MARCHF1: variants seen among roughly 807,000 people sequenced by gnomAD.
MARCHF1 encodes the protein membrane associated ring-CH-type finger 1.
MARCHF1 carries 40 observed loss-of-function variants against 54.2 expected under a neutral mutation model. The observed-to-expected ratio is 0.74, with a 90% confidence interval of 0.57 to 0.96. MARCHF1 has a LOEUF of 0.96. Ranked by LOEUF, MARCHF1 falls within the 40% of genes least tolerant of loss-of-function variation. The pLI is 0.00. For missense variants in MARCHF1, 586 were observed against 656.5 expected (o/e 0.89, Z 1.17); for synonymous variants, 236 against 236.3 (o/e 1.00, Z 0.01).
rs112673120 is a variant in MARCHF1 at position 164,217,061 on chromosome 4, A to C, written c.-322-105399T>G. 6.5e-3 allele frequency among the ~76,000 whole-genome samples: 983 copies of C among 152,314 alleles called. 6 individuals carry two copies. Among genetic ancestry groups the C allele is most frequent in the African/African-American group, 0.022 (928 of 41,576 alleles). On this transcript the variant is annotated intron_variant, in intron 1 of 9. Transcript: ENST00000514618. The stretch of plus-strand genomic sequence containing the variant: ...GGAAAAAAAATTTAAAAACCTATAG[A>C]GCAATCACCTTTCACTCTTATTTAC...
rs192109189 is a variant in MARCHF1, at chr4:164,321,200, C to T, written c.-323+62670G>A. On this transcript the variant is annotated intron_variant, in intron 1 of 9. Coordinates refer to ENST00000514618, the MANE Select transcript of MARCHF1 (RefSeq NM_001394959.1). ...GATAGAAAACCTCTGTAGAAGACAGCTGATGATTTAAATAAAAATATACTG... is the reference window on the plus strand; with the variant it reads ...GATAGAAAACCTCTGTAGAAGACAGTTGATGATTTAAATAAAAATATACTG... Among the ~76,000 whole-genome samples, 507 of 152,222 alleles carry T rather than the reference C, an allele frequency of 3.3e-3. 1 individual carries two copies. The highest frequency in any genetic ancestry group is 6.0e-3 in the Non-Finnish European group (405 of 68,010).
chr4:164,201,809 T>C (rs1165579665), intron 1 of MARCHF1, among the ~76,000 whole-genome samples: 1 of 152,228 alleles, frequency 6.6e-6, no homozygotes, highest in Non-Finnish European at 1.5e-5. Context: ...AAAGGCTAGC[T>C]TGAATTTAAT....
At chr4:164,206,372 G>A (rs1731606997) in intron 1 of MARCHF1, among the ~76,000 whole-genome samples, 1 of 152,166 alleles carries the variant, frequency 6.6e-6, no homozygotes, top group African/African-American at 2.4e-5. Context: ...AGGAGGTGGA[G>A]GTTGCAGTGA....
chr4:163,746,691 T>G (rs1746371563), intron 4 of MARCHF1, among the ~76,000 whole-genome samples: 1 of 152,184 alleles, frequency 6.6e-6, no homozygotes, highest in South Asian at 2.1e-4. Context: ...TTCTTTTTCA[T>G]GATTTTTTTG....
chr4:164,014,191 A>AC (rs1753488329), intron 2 of MARCHF1, among the ~76,000 whole-genome samples: 1 of 50,264 alleles, frequency 2.0e-5, no homozygotes, highest in African/African-American at 1.0e-4. Context: ...ACTGCATCTC[A>AC]AAAAAAAAAA....
rs777041087 is a variant in MARCHF1 at position 163,528,875 on chromosome 4, A to G, written c.1511T>C (p.Leu504Pro). The G allele has an allele frequency of 5.0e-6, 8 of 1,613,384 alleles. No homozygotes were observed. The highest frequency in any genetic ancestry group is 6.8e-6 in the Non-Finnish European group (8 of 1,179,580). Reference sequence around the variant, plus strand: ...TACATTACATGAGAAGTTCTTCTCCAGTTTTTTGGCAGTGTCTGGGCAATT... The same window carrying G: ...TACATTACATGAGAAGTTCTTCTCCGGTTTTTTGGCAGTGTCTGGGCAATT... ...VQNCPDTAKK[L>P]EKNFSCNVNT... The change falls in exon 10 of 10, where the codon CTG becomes CCG. Residue 504 changes from leucine (L) to proline (P), a missense_variant. Transcript: ENST00000514618.
intron 5 of MARCHF1, among the ~76,000 whole-genome samples, chr4:163,678,296 G>A (rs1195145532): frequency 6.6e-6 from 1 of 152,182 alleles, no homozygotes; most frequent in Non-Finnish European, 1.5e-5. Flanking sequence ...GCCCAGGAAA[G>A]TGGATGGTAT....
At chr4:164,144,032 T>C (rs1224468500) in intron 1 of MARCHF1, among the ~76,000 whole-genome samples, 1 of 152,116 alleles carries the variant, frequency 6.6e-6, no homozygotes, top group Non-Finnish European at 1.5e-5. Context: ...TAGTCTCTGA[T>C]AAAACAGGCT....
rs1425226402 is a variant in MARCHF1, at chr4:163,899,205, A to G, written c.-38-45036T>C. Among the ~76,000 whole-genome samples, 5 of 152,204 alleles carry G rather than the reference A, an allele frequency of 3.3e-5. No individual in the cohort carries two copies. The East Asian group carries it at 9.6e-4, about 29-fold the overall frequency. ...AAAATGTTTAAATAAAAAGTTGTCC[A>G]TACTCCCTTTTCTTAAATTTGTTCC... On this transcript the variant is annotated intron_variant, in intron 3 of 9. Coordinates refer to ENST00000514618, the MANE Select transcript of MARCHF1 (RefSeq NM_001394959.1).
chr4:164,023,501 G>A (rs549717219), intron 2 of MARCHF1, among the ~76,000 whole-genome samples: 1 of 152,128 alleles, frequency 6.6e-6, no homozygotes, highest in Non-Finnish European at 1.5e-5. Context: ...GTGACACAAA[G>A]AGCAAGAATC....
At chr4:163,761,892 A>G (rs1746836647) in intron 4 of MARCHF1, among the ~76,000 whole-genome samples, 1 of 152,148 alleles carries the variant, frequency 6.6e-6, no homozygotes. Context: ...AAGTCACATA[A>G]TTTTTTGAGA....
chr4:163,683,331 C>A (rs536038279), intron 5 of MARCHF1, among the ~76,000 whole-genome samples: 1 of 152,258 alleles, frequency 6.6e-6, no homozygotes, highest in South Asian at 2.1e-4. Flanking sequence ...ACCATCAGAT[C>A]TTGTGAGACA....
intron 3 of MARCHF1, among the ~76,000 whole-genome samples, chr4:163,987,614 C>A (rs10020150): frequency 0.63 from 95,947 of 152,040 alleles, 30,486 homozygotes; most frequent in East Asian, 0.89. Flanking sequence ...CAAAGCCCAT[C>A]TCCTACAAAG....
rs189123978 is a variant in MARCHF1, at chr4:164,079,260, C to T, written c.-248+32328G>A. On this transcript the variant is annotated intron_variant, in intron 2 of 9. Transcript: ENST00000514618. ...GTATTCTTTGTCAAGAATGGTTATACTATTTCTGGAAGACCAATATTTTAA... is the reference window on the plus strand; with the variant it reads ...GTATTCTTTGTCAAGAATGGTTATATTATTTCTGGAAGACCAATATTTTAA... 5.0e-3 allele frequency among the ~76,000 whole-genome samples: 755 copies of T among 152,122 alleles called. 3 individuals are homozygous for T. The highest frequency in any genetic ancestry group is 0.011 in the South Asian group (51 of 4,828).
intron 1 of MARCHF1, among the ~76,000 whole-genome samples, chr4:164,245,675 T>C (rs987926492): frequency 6.6e-6 from 1 of 151,902 alleles, no homozygotes; most frequent in Non-Finnish European, 1.5e-5. Context: ...TCTTTGCAGA[T>C]GACATGATTA....
intron 4 of MARCHF1, among the ~76,000 whole-genome samples, chr4:163,734,150 C>A (rs939045602): frequency 4.6e-5 from 7 of 151,938 alleles, no homozygotes; most frequent in Admixed American, 1.3e-4. Context: ...AACAAACAAG[C>A]AAAGAAACAA....
At chr4:163,984,487 A>G (rs967949720) in intron 3 of MARCHF1, among the ~76,000 whole-genome samples, 1 of 152,186 alleles carries the variant, frequency 6.6e-6, no homozygotes, top group Admixed American at 6.5e-5. Flanking sequence ...ATATAGCAGC[A>G]TGCAGCGCAG....
intron 5 of MARCHF1, among the ~76,000 whole-genome samples, chr4:163,641,625 C>A (rs1052166397): frequency 6.6e-6 from 1 of 152,092 alleles, no homozygotes; most frequent in African/African-American, 2.4e-5. Context: ...CAGAATGTTC[C>A]TTTCTGAAGT....
At chr4:164,382,579 A>C (rs1211677740) in intron 1 of MARCHF1, among the ~76,000 whole-genome samples, 5 of 152,186 alleles carry the variant, frequency 3.3e-5, no homozygotes, top group Admixed American at 2.6e-4. Flanking sequence ...CTGAACCCCC[A>C]AAGTAGCAAA....
Sources: gnomAD v4.1 joint callset for allele counts (sites outside exome capture counted in the v4.1 genomes callset) on GRCh38, gnomAD v4.1.1 for gene constraint, MANE v1.5 for transcripts, NCBI Gene and HGNC (gene_info 2026-07-23, HGNC 2026-07-21) for gene names.